ALG9: variants seen among roughly 807,000 people sequenced by gnomAD.
ALG9 encodes ALG9 alpha-1,2-mannosyltransferase.
ALG9 carries 55 observed loss-of-function variants against 81.8 expected under a neutral mutation model. The observed-to-expected ratio is 0.67, with a 90% confidence interval of 0.54 to 0.84. ALG9 has a LOEUF of 0.84. ALG9 is among the 40% of genes least tolerant of loss of function. ALG9 has a pLI of 0.00. For missense variants in ALG9, 629 were observed against 745.0 expected (o/e 0.84, Z 1.81); for synonymous variants, 278 against 274.3 (o/e 1.01, Z -0.13).
In ALG9 at chr11:111,786,416, C is replaced by T; in HGVS notation, c.1838G>A (p.Arg613Lys). The change falls in exon 15 of 15, where the codon AGG becomes AAG. Residue 613 changes from arginine to lysine, a missense_variant. Physicochemically the swap from Arg to Lys is conservative, Grantham distance 26. Around this residue, in one of 3 missense-constraint regions of ALG9, gnomAD observed 264 missense variants for 302.2 expected, o/e 0.87. Transcript: ENST00000616540. ...GTGTTGCTAACCTCCACTTTTCTTC[C>T]TGATTTGCTTTGCTTTCCGGGGTTT... ...ILKPRKAKQI[R>K]KKSGG The T allele has an allele frequency of 6.2e-7, 1 of 1,613,992 alleles. No homozygotes were observed.
At chr11:111,790,846 A>G (rs2136221407) in intron 14 of ALG9, among the ~76,000 whole-genome samples, 1 of 152,352 alleles carries the variant, frequency 6.6e-6, no homozygotes. Flanking sequence ...GGAAACAGAT[A>G]TTGCCAGTGA....
At chr11:111,807,087 T>C (rs886931173) in intron 14 of ALG9, among the ~76,000 whole-genome samples, 5 of 152,176 alleles carry the variant, frequency 3.3e-5, no homozygotes, top group Non-Finnish European at 7.3e-5. Flanking sequence ...GCTTAACTGG[T>C]ATCCCTGCTT....
chr11:111,856,659 C>A (rs1374933836), intron 6 of ALG9, among the ~76,000 whole-genome samples: 23 of 149,436 alleles, frequency 1.5e-4, no homozygotes, highest in Non-Finnish European at 1.0e-4. Flanking sequence ...AAGATATAAT[C>A]CTTCTAAAAT....
intron 3 of ALG9, among the ~76,000 whole-genome samples, chr11:111,867,059 C>T (rs1962727435): frequency 6.6e-6 from 1 of 152,232 alleles, no homozygotes; most frequent in African/African-American, 2.4e-5. Flanking sequence ...CACATCACTG[C>T]ACTCCAGCCT....
intron 14 of ALG9, among the ~76,000 whole-genome samples, chr11:111,795,939 T>C (rs1456808263): frequency 6.6e-6 from 1 of 152,238 alleles, no homozygotes; most frequent in African/African-American, 2.4e-5. Flanking sequence ...AAAGGTACTC[T>C]ATGTCCCATT....
In ALG9 at chr11:111,853,841, T is replaced by TTA. The variant is rs1555141270; in HGVS notation, c.702-107_702-106dup. 3 of 1,060,358 alleles carry TTA rather than the reference T, an allele frequency of 2.8e-6. No homozygotes were observed. The South Asian group carries it at 3.9e-5, about 14-fold the overall frequency. 65.7% of individuals were successfully genotyped at this position (1,060,358 alleles called of 1,614,324 possible). A position where few individuals can be genotyped will look rare whatever the true frequency, so the allele number is the denominator to read the frequency against. On this transcript the variant is annotated intron_variant, in intron 6 of 14. Transcript: ENST00000616540. ...ACTGAGAATAAAATGCCTCTGCCAG[T>TTA]TATAGTGAGGGAAGAAACCTGGTAT...
intron 14 of ALG9, among the ~76,000 whole-genome samples, chr11:111,789,216 T>C (rs1474034610): frequency 2.0e-5 from 3 of 152,160 alleles, no homozygotes; most frequent in Non-Finnish European, 2.9e-5. Flanking sequence ...TTATTCTTTT[T>C]AGAGTCTTCC....
At chr11:111,777,816 G>A (rs1174001817), downstream of ALG9, among the ~76,000 whole-genome samples, 1 of 152,172 alleles carries the variant, frequency 6.6e-6, no homozygotes, top group African/African-American at 2.4e-5. Flanking sequence ...GAGGCTTAGA[G>A]ACACAGTAAC....
chr11:111,857,905 T>A, intron 5 of ALG9, 168 bp from the exon 6 acceptor site: 2 of 798,584 alleles, frequency 2.5e-6, no homozygotes, highest in Non-Finnish European at 2.0e-6. Context: ...TATTCTTTTT[T>A]AAAAAAATGA....
chr11:111,848,265 T>C (rs553055511), intron 8 of ALG9, among the ~76,000 whole-genome samples: 30 of 152,180 alleles, frequency 2.0e-4, no homozygotes, highest in Non-Finnish European at 4.0e-4. Flanking sequence ...TTAATATCTT[T>C]CAAAATGTAC....
intron 9 of ALG9, among the ~76,000 whole-genome samples, 156 bp from the exon 10 acceptor site, chr11:111,840,965 A>C (rs1956128801): frequency 1.3e-5 from 2 of 152,214 alleles, no homozygotes; most frequent in African/African-American, 4.8e-5. Flanking sequence ...AATGCCATAA[A>C]GGCATCAAAA....
chr11:111,815,536 A>T (rs1401524326), intron 13 of ALG9, among the ~76,000 whole-genome samples: 1 of 152,192 alleles, frequency 6.6e-6, no homozygotes, highest in Non-Finnish European at 1.5e-5. Flanking sequence ...ACAAGGACAA[A>T]GGCCTCCAGC....
intron 14 of ALG9, among the ~76,000 whole-genome samples, chr11:111,807,175 C>G (rs1407957036): frequency 6.6e-6 from 1 of 152,178 alleles, no homozygotes; most frequent in Non-Finnish European, 1.5e-5. Flanking sequence ...TATCAAGTCT[C>G]TGCTCAAAAC....
At chr11:111,855,891 G>C (rs1486149781) in intron 6 of ALG9, among the ~76,000 whole-genome samples, 3 of 152,102 alleles carry the variant, frequency 2.0e-5, no homozygotes, top group African/African-American at 7.2e-5. Context: ...AGGCACTTAA[G>C]AAATTTTAAA....
At chr11:111,830,049 A>C (rs1014123217) in intron 13 of ALG9, among the ~76,000 whole-genome samples, 8 of 152,248 alleles carry the variant, frequency 5.3e-5, no homozygotes, top group African/African-American at 1.9e-4. Context: ...AGGGAAGCAA[A>C]GAAATGTCAA....
chr11:111,815,320 G>T (rs1555096031), intron 13 of ALG9, among the ~76,000 whole-genome samples: 1 of 152,000 alleles, frequency 6.6e-6, no homozygotes. Flanking sequence ...CGGGAGGATC[G>T]CTTGAGCCCA....
downstream of ALG9, chr11:111,778,097 T>TC (rs1945745841): frequency 1.3e-5 from 2 of 152,182 alleles, no homozygotes; most frequent in Non-Finnish European, 2.9e-5. Context: ...CCCAGTGCGT[T>TC]GAGTAGAAGG....
chr11:111,871,056 T>G (rs1193924371), intron 1 of ALG9: 1 of 1,143,874 alleles, frequency 8.7e-7, no homozygotes, highest in African/African-American at 1.6e-5. Context: ...AGGTATACTC[T>G]TTGATCCTGT....
At position 111,809,629 on chromosome 11, in the gene ALG9, T is replaced by C. The variant is rs782025791; in HGVS notation, c.1733+14A>G. ...ACTAGTCCTGGAATATCCCATAGGA[T>C]TAAAGCCACATACCTAGAAGCATCA... On this transcript the variant is annotated intron_variant, in intron 14 of 14. Transcript: ENST00000616540. The C allele has an allele frequency of 6.2e-7, 1 of 1,613,846 alleles. No individual in the cohort carries two copies. Among genetic ancestry groups the C allele is most frequent in the South Asian group, 1.1e-5 (1 of 91,082 alleles).
Sources: allele counts gnomAD v4.1 joint callset (sites outside exome capture counted in the v4.1 genomes callset), GRCh38; gene constraint gnomAD v4.1.1; regional missense constraint gnomAD v4.1.1; transcripts MANE v1.5; gene names NCBI Gene and HGNC (gene_info 2026-07-23, HGNC 2026-07-21).